Variants in ADGRB2 observed in about 807,000 individuals in gnomAD.
ADGRB2 encodes the protein adhesion G protein-coupled receptor B2, also known as brain-specific angiogenesis inhibitor 2.
In ADGRB2, 47 loss-of-function variants were observed where a neutral mutation model predicts 178.7. That is an observed-to-expected ratio of 0.26 (90% CI 0.21 to 0.34). The LOEUF (loss-of-function observed/expected upper bound fraction) is 0.34, where lower values mean the gene tolerates loss of function less well. ADGRB2 is among the 10% of genes least tolerant of loss of function. The pLI, the probability that ADGRB2 is intolerant of heterozygous loss-of-function variation, is 1.00. For missense variants in ADGRB2, 1,584 were observed against 2,180.8 expected (o/e 0.73, Z 5.45); for synonymous variants, 870 against 912.4 (o/e 0.95, Z 0.84).
chr1:31,728,477 C>T lies in ADGRB2; in HGVS notation c.4416+121G>A, dbSNP rs575761512. 15 of 1,484,786 alleles carry T rather than the reference C, an allele frequency of 1.0e-5. No individual in the cohort carries two copies. The African/African-American group carries it at 1.4e-4, about 14-fold the overall frequency. The allele number at this position is 1,484,786 out of a possible 1,614,324, so 92.0% of individuals were successfully genotyped here. A position where few individuals can be genotyped will look rare whatever the true frequency, so the allele number is the denominator to read the frequency against. On this transcript the variant is annotated intron_variant, in intron 30 of 32. Coordinates refer to ENST00000373658, the MANE Select transcript of ADGRB2 (RefSeq NM_001364857.2). This position sits in a 1 kb window ranked among gnomAD's most constrained non-coding sequence, Gnocchi z 6.7. ...TCATGGGAAGATCCCACGGAACCCC[C>T]GGGCTTGGGCTCCTGGGGTCAGGCT...
In ADGRB2 at chr1:31,728,743, C is replaced by A; in HGVS notation, c.4381-110G>T. The A allele has an allele frequency of 1.5e-6, 2 of 1,347,548 alleles. No homozygotes were observed. Among genetic ancestry groups the A allele is most frequent in the Non-Finnish European group, 1.1e-6 (1 of 951,032 alleles). 83.5% of individuals were successfully genotyped at this position (1,347,548 alleles called of 1,614,324 possible). ...CCCAGGGGTCTGCCCGCTGCACCTTCCCCCCAACCCAGGCCCAGAAGTTGC... is the reference window on the plus strand; with the variant it reads ...CCCAGGGGTCTGCCCGCTGCACCTTACCCCCAACCCAGGCCCAGAAGTTGC... On this transcript the variant is annotated intron_variant, in intron 29 of 32. Transcript: ENST00000373658. This position sits in a 1 kb window ranked among gnomAD's most constrained non-coding sequence, Gnocchi z 6.7.
intron 26 of ADGRB2, 25 bp from the exon 27 acceptor site, chr1:31,732,637 G>A (rs1205929039): frequency 6.2e-7 from 1 of 1,610,840 alleles, no homozygotes; most frequent in East Asian, 2.2e-5. Flanking sequence ...CGCCTGCTGG[G>A]CCTGAGGCCA....
Position 31,730,895 on chromosome 1 carries a change from TCGGCGGTGG to T in ADGRB2, c.4276_4284del (p.Pro1426_Pro1428del), listed in dbSNP as rs758173506. ...TCGGGCACTTGGCGGGCGCTGGGTG[TCGGCGGTGG>T]CGGTTGGAAGGTCATTCCATAGGGA... On this transcript the variant is annotated inframe_deletion, in exon 29 of 33. Coordinates refer to ENST00000373658, the MANE Select transcript of ADGRB2 (RefSeq NM_001364857.2). The T allele has an allele frequency of 6.3e-6, 10 of 1,577,922 alleles. No homozygotes were observed. The highest frequency in any genetic ancestry group is 1.7e-4 in the Middle Eastern group (1 of 5,876).
In ADGRB2 at chr1:31,741,221, G is replaced by C. The variant is rs1645945843; in HGVS notation, c.1794+152C>G. On this transcript the variant is annotated intron_variant, in intron 11 of 32. Transcript: ENST00000373658. The surrounding 1 kb of genome is among the most constrained non-coding windows in gnomAD (Gnocchi z 6.5). Reference sequence around the variant, plus strand: ...GAGTCAGGCCTTGAGGTATGAGTAGGAGCTTGCCAGACAAGGAGAGGCACA... The same window carrying C: ...GAGTCAGGCCTTGAGGTATGAGTAGCAGCTTGCCAGACAAGGAGAGGCACA... 1 of 750,566 alleles carries C rather than the reference G, an allele frequency of 1.3e-6. No homozygotes were observed. Among genetic ancestry groups the C allele is most frequent in the Non-Finnish European group, 2.2e-6 (1 of 453,706 alleles). 46.5% of individuals were successfully genotyped at this position (750,566 alleles called of 1,614,324 possible).
intron 21 of ADGRB2, 71 bp from the exon 22 acceptor site, chr1:31,736,461 A>C: frequency 6.2e-7 from 1 of 1,605,344 alleles, no homozygotes; most frequent in African/African-American, 1.3e-5. Flanking sequence ...CCAGACTCCC[A>C]TCCCAGCTGA....
chr1:31,750,112 A>G (rs1646488917), intron 4 of ADGRB2, among the ~76,000 whole-genome samples: 2 of 152,202 alleles, frequency 1.3e-5, no homozygotes, highest in African/African-American at 4.8e-5. Context: ...GCAATCTGCC[A>G]AAATCATCTA....
rs988889517 is a variant in ADGRB2 at position 31,755,675 on chromosome 1, T to C, written c.838+324A>G. The stretch of plus-strand genomic sequence containing the variant: ...GCCTAGAATGCCCTCATCTCACTTC[T>C]GCTTGTCCTTCAGGTCTCTGTTCCT... On this transcript the variant is annotated intron_variant, in intron 4 of 32. Transcript: ENST00000373658. This position sits in a 1 kb window ranked among gnomAD's most constrained non-coding sequence, Gnocchi z 5.1. Among the ~76,000 whole-genome samples the C allele has an allele frequency of 6.6e-6, 1 of 151,854 alleles. No individual in the cohort carries two copies. Among genetic ancestry groups the C allele is most frequent in the African/African-American group, 2.4e-5 (1 of 41,326 alleles).
At position 31,739,916 on chromosome 1, in the gene ADGRB2, C is replaced by T. The variant is rs767275180; in HGVS notation, c.2167+10G>A. On this transcript the variant is annotated intron_variant, in intron 14 of 32. Transcript: ENST00000373658. ...ATTCAGGACCCCCACCCTTGCCTGACTCCTTCTACCTAGATTATCTGTGAC... is the reference window on the plus strand; with the variant it reads ...ATTCAGGACCCCCACCCTTGCCTGATTCCTTCTACCTAGATTATCTGTGAC... 2 of 1,612,468 alleles carry T rather than the reference C, an allele frequency of 1.2e-6. No individual in the cohort carries two copies. Among genetic ancestry groups the T allele is most frequent in the Non-Finnish European group, 8.5e-7 (1 of 1,178,532 alleles).
intron 29 of ADGRB2, among the ~76,000 whole-genome samples, chr1:31,729,530 A>C (rs112897959): frequency 6.6e-6 from 1 of 151,698 alleles, no homozygotes; most frequent in Non-Finnish European, 1.5e-5. Flanking sequence ...ATCCTCCCCA[A>C]CCCAGCCACA....
Position 31,744,133 on chromosome 1 carries a change from C to G in ADGRB2, c.1087+60G>C, listed in dbSNP as rs1356005983. The G allele has an allele frequency of 1.4e-6, 2 of 1,462,792 alleles. No homozygotes were observed. The highest frequency in any genetic ancestry group is 2.8e-5 in the South Asian group (2 of 70,986). 90.6% of individuals were successfully genotyped at this position (1,462,792 alleles called of 1,614,324 possible). ...CAACCATTTTGGAGATTAATCTGCC[C>G]AAGTCCCAGGCAGGACCTAACCCTG... On this transcript the variant is annotated intron_variant, in intron 6 of 32. Transcript: ENST00000373658. The surrounding 1 kb of genome is among the most constrained non-coding windows in gnomAD (Gnocchi z 6.7).
chr1:31,742,904 G>A lies in ADGRB2; in HGVS notation c.1186C>T (p.His396Tyr). Residue 396 changes from histidine to tyrosine, a missense_variant, in exon 7 of 33, where the codon CAC becomes TAC. By Grantham distance (83) the His-to-Tyr change is moderately conservative. Around this residue, in one of 3 missense-constraint regions of ADGRB2, gnomAD observed 657 missense variants for 847.6 expected, o/e 0.78. Transcript: ENST00000373658. ...SRMRTCVPPQ[H>Y]GGKACEGPEL... ...GGACCCTCGCAGGCCTTGCCGCCGT[G>A]CTGGGGGGGCACGCAGGTCCGCATC... 6.5e-7 allele frequency: 1 copy of A among 1,542,224 alleles called. No individual in the cohort carries two copies. The highest frequency in any genetic ancestry group is 1.4e-5 in the African/African-American group (1 of 72,528).
At position 31,744,806 on chromosome 1, in the gene ADGRB2, C is replaced by T; in HGVS notation, c.839-75G>A. 1 of 1,466,752 alleles carries T rather than the reference C, an allele frequency of 6.8e-7. No homozygotes were observed. Among genetic ancestry groups the T allele is most frequent in the Non-Finnish European group, 9.5e-7 (1 of 1,051,148 alleles). 90.9% of individuals were successfully genotyped at this position (1,466,752 alleles called of 1,614,324 possible). On this transcript the variant is annotated intron_variant, in intron 4 of 32. Coordinates refer to ENST00000373658, the MANE Select transcript of ADGRB2 (RefSeq NM_001364857.2). The surrounding 1 kb of genome is among the most constrained non-coding windows in gnomAD (Gnocchi z 6.7). ...TGTTACAGTGGCACAGTGAAGGCAG[C>T]CTTCCTTGCCCTCCGCCTGAGGGCC...
In ADGRB2 at chr1:31,758,296, A is replaced by G. The variant is rs1646933749; in HGVS notation, c.-190-785T>C. Among the ~76,000 whole-genome samples the G allele has an allele frequency of 6.6e-6, 1 of 152,210 alleles. No homozygotes were observed. Among genetic ancestry groups the G allele is most frequent in the African/African-American group, 2.4e-5 (1 of 41,452 alleles). On this transcript the variant is annotated intron_variant, in intron 1 of 32. Transcript: ENST00000373658. The surrounding 1 kb of genome is among the most constrained non-coding windows in gnomAD (Gnocchi z 4.2). ...AGGTGGCCACAGAGGACGCAAGCCC[A>G]GGATCTGAGGCCCAGCCCAGGCCTG...
chr1:31,728,410 T>A lies in ADGRB2; in HGVS notation c.4417-130A>T. The A allele has an allele frequency of 7.6e-7, 1 of 1,313,660 alleles. No individual in the cohort carries two copies. The highest frequency in any genetic ancestry group is 1.1e-6 in the Non-Finnish European group (1 of 922,004). The allele number at this position is 1,313,660 out of a possible 1,614,324, so 81.4% of individuals were successfully genotyped here. A position where few individuals can be genotyped will look rare whatever the true frequency, so the allele number is the denominator to read the frequency against. On this transcript the variant is annotated intron_variant, in intron 30 of 32. Coordinates refer to ENST00000373658, the MANE Select transcript of ADGRB2 (RefSeq NM_001364857.2). This position sits in a 1 kb window ranked among gnomAD's most constrained non-coding sequence, Gnocchi z 6.7. Reference sequence around the variant, plus strand: ...CAGCCCCTCTGGGACAAGACCTAGTTCTCTCTTCACGTTGGTGCTATGGGC... The same window carrying A: ...CAGCCCCTCTGGGACAAGACCTAGTACTCTCTTCACGTTGGTGCTATGGGC...
Position 31,740,526 on chromosome 1 carries a change from C to G in ADGRB2, c.1810G>C (p.Ala604Pro). 6.2e-7 allele frequency: 1 copy of G among 1,607,506 alleles called. No homozygotes were observed. Among genetic ancestry groups the G allele is most frequent in the Non-Finnish European group, 8.5e-7 (1 of 1,177,116 alleles). The change falls in exon 12 of 33, where the codon GCC (alanine) becomes CCC (proline). Residue 604 changes from alanine (A) to proline (P), a missense_variant. Physicochemically the swap from Ala to Pro is conservative, Grantham distance 27. Around this residue, in one of 3 missense-constraint regions of ADGRB2, gnomAD observed 657 missense variants for 847.6 expected, o/e 0.78. Coordinates refer to ENST00000373658, the MANE Select transcript of ADGRB2 (RefSeq NM_001364857.2). This position sits in a 1 kb window ranked among gnomAD's most constrained non-coding sequence, Gnocchi z 5.9. ...CCTGCCAGCATGCGCTGCCCCTTGG[C>G]CAGGTGCTCCCTAAGCTGTAGGTGA... Reference protein sequence around the residue: ...YLYLSLREHLAKGQRMLAGEG... With the variant: ...YLYLSLREHLPKGQRMLAGEG...
chr1:31,753,136 G>T lies in ADGRB2; in HGVS notation c.838+2863C>A, dbSNP rs938617970. Among the ~76,000 whole-genome samples the T allele has an allele frequency of 6.6e-6, 1 of 152,200 alleles. No individual in the cohort carries two copies. Among genetic ancestry groups the T allele is most frequent in the East Asian group, 1.9e-4 (1 of 5,200 alleles). On this transcript the variant is annotated intron_variant, in intron 4 of 32. Coordinates refer to ENST00000373658, the MANE Select transcript of ADGRB2 (RefSeq NM_001364857.2). The surrounding 1 kb of genome is among the most constrained non-coding windows in gnomAD (Gnocchi z 4.1). Reference sequence around the variant, plus strand: ...TGCAGGCTGGCACTGGCCATCAGGAGCTGAGCCCTGCAGCTGGCACTAACT... The same window carrying T: ...TGCAGGCTGGCACTGGCCATCAGGATCTGAGCCCTGCAGCTGGCACTAACT...
In ADGRB2 at chr1:31,727,320, GGA is replaced by G. The variant is rs945401017; in HGVS notation, c.*98_*99del. ...ACGGCGCCTCCCTGCCCAGCCCTCG[GGA>G]GAGGGGAGAGGGCGCTGGCTCCTGG... is the stretch of plus-strand genomic sequence containing the variant. On this transcript the variant is annotated 3_prime_UTR_variant, in exon 33 of 33. Transcript: ENST00000373658. This position sits in a 1 kb window ranked among gnomAD's most constrained non-coding sequence, Gnocchi z 4.4. 273 of 1,385,604 alleles carry G rather than the reference GGA, an allele frequency of 2.0e-4. No individual in the cohort carries two copies. The Middle Eastern group carries it at 5.0e-3, about 25-fold the overall frequency. The allele number at this position is 1,385,604 out of a possible 1,614,324, so 85.8% of individuals were successfully genotyped here. A position where few individuals can be genotyped will look rare whatever the true frequency, so the allele number is the denominator to read the frequency against.
In ADGRB2 at chr1:31,740,295, G is replaced by A. The variant is rs751032798; in HGVS notation, c.1989+52C>T. 31 of 1,603,598 alleles carry A rather than the reference G, an allele frequency of 1.9e-5. No homozygotes were observed. Among genetic ancestry groups the A allele is most frequent in the East Asian group, 8.9e-5 (4 of 44,742 alleles). ...ACTCTGCCTAGGGGCCTGGCCTCCCGCTTCAGTTTGGGCCTTCTCCACCCT... is the reference window on the plus strand; with the variant it reads ...ACTCTGCCTAGGGGCCTGGCCTCCCACTTCAGTTTGGGCCTTCTCCACCCT... On this transcript the variant is annotated intron_variant, in intron 12 of 32. Coordinates refer to ENST00000373658, the MANE Select transcript of ADGRB2 (RefSeq NM_001364857.2). The surrounding 1 kb of genome is among the most constrained non-coding windows in gnomAD (Gnocchi z 5.9).
rs768170921 is a variant in ADGRB2 at position 31,727,413 on chromosome 1, G to A, written c.*7C>T. Reference sequence around the variant, plus strand: ...ATTTATATGCAGTGGGCAGTCCAGCGTGGCACTCACACCTCTGTCTGGAAG... The same window carrying A: ...ATTTATATGCAGTGGGCAGTCCAGCATGGCACTCACACCTCTGTCTGGAAG... On this transcript the variant is annotated 3_prime_UTR_variant, in exon 33 of 33. Transcript: ENST00000373658. The surrounding 1 kb of genome is among the most constrained non-coding windows in gnomAD (Gnocchi z 4.4). The A allele has an allele frequency of 2.7e-5, 42 of 1,583,512 alleles. No individual in the cohort carries two copies. The East Asian group carries it at 4.2e-4, about 16-fold the overall frequency.
Sources: allele counts gnomAD v4.1 joint callset (sites outside exome capture counted in the v4.1 genomes callset), GRCh38; gene constraint gnomAD v4.1.1; regional missense constraint gnomAD v4.1.1; non-coding constraint Gnocchi (gnomAD v3.1); transcripts MANE v1.5; gene names NCBI Gene and HGNC (gene_info 2026-07-23, HGNC 2026-07-21).